Variants in RAB2A observed in about 807,000 individuals in gnomAD.
RAB2A encodes RAB2A, member RAS oncogene family, also known as ras-related protein Rab-2A.
RAB2A carries 7 observed loss-of-function variants against 32.5 expected under a neutral mutation model. The observed-to-expected ratio is 0.22, with a 90% CI of 0.12 to 0.40. RAB2A has a LOEUF of 0.40. Ranked by LOEUF, RAB2A falls within the 10% of genes least tolerant of loss-of-function variation. RAB2A has a pLI of 1.00. For synonymous variants in RAB2A, 79 were observed against 85.2 expected (o/e 0.93, Z 0.40); for missense variants, 108 against 260.7 (o/e 0.41, Z 4.03).
chr8:60,613,467 A>C (rs1804395927), intron 6 of RAB2A, among the ~76,000 whole-genome samples: 1 of 152,156 alleles, frequency 6.6e-6, no homozygotes, highest in Non-Finnish European at 1.5e-5. Context: ...AGGAATTTTC[A>C]TTTGTTTTGT....
chr8:60,595,231 C>A (rs547649113), intron 6 of RAB2A, among the ~76,000 whole-genome samples: 4 of 152,198 alleles, frequency 2.6e-5, no homozygotes, highest in Non-Finnish European at 5.9e-5. Context: ...TCAAGTCTTG[C>A]AAATTATGTT....
chr8:60,608,851 C>T (rs558808855), intron 6 of RAB2A, among the ~76,000 whole-genome samples: 1 of 151,924 alleles, frequency 6.6e-6, no homozygotes, highest in South Asian at 2.1e-4. Flanking sequence ...CTATAGTGTT[C>T]TTTCTCTTAC....
chr8:60,608,545 TCTCTC>T (rs199938322), intron 6 of RAB2A, among the ~76,000 whole-genome samples: 1,453 of 133,664 alleles, frequency 0.011, 40 homozygotes, highest in African/African-American at 0.046. Flanking sequence ...CCTCCTTCTC[TCTCTC>T]CTCTCTCTCC....
intron 1 of RAB2A, among the ~76,000 whole-genome samples, chr8:60,540,279 TGTTCCAGAGAAGAG>T (rs536732237): frequency 3.4e-4 from 52 of 151,798 alleles, no homozygotes; most frequent in African/African-American, 1.3e-3. Flanking sequence ...GTAATTAAAA[TGTTCCAGAGAAGAG>T]GTTCCTAGAG....
chr8:60,584,167 T>A, intron 3 of RAB2A, 41 bp from the exon 4 acceptor site: 1 of 1,424,362 alleles, frequency 7.0e-7, no homozygotes. Context: ...GTAGAGGACA[T>A]TGTATTAAAG....
intron 3 of RAB2A, among the ~76,000 whole-genome samples, chr8:60,577,692 C>T (rs1410114399): frequency 1.3e-5 from 2 of 151,506 alleles, no homozygotes; most frequent in African/African-American, 2.4e-5. Context: ...GGCGTGATCT[C>T]GGCTCACTGC....
intron 1 of RAB2A, among the ~76,000 whole-genome samples, chr8:60,551,548 C>T (rs1425595258): frequency 6.6e-6 from 1 of 152,202 alleles, no homozygotes; most frequent in Non-Finnish European, 1.5e-5. Flanking sequence ...CTACTTCTTA[C>T]AGGTTAGGAA....
rs530716725 is a variant in RAB2A, at chr8:60,548,543, G to A, written c.47-10309G>A. ...ACCCCCCCACCTCCCTCCCGGACGG[G>A]GCGGCTGGCCGGGCAGAGGGGATCC... is the stretch of plus-strand genomic sequence containing the variant. On this transcript the variant is annotated intron_variant, in intron 1 of 7. Coordinates refer to ENST00000262646, the MANE Select transcript of RAB2A (RefSeq NM_002865.3). Among the ~76,000 whole-genome samples, 416 of 119,052 alleles carry A rather than the reference G, an allele frequency of 3.5e-3. 2 individuals are homozygous for A. Among genetic ancestry groups the A allele is most frequent in the African/African-American group, 0.013 (342 of 26,374 alleles). 78.1% of individuals were successfully genotyped at this position (119,052 alleles called of 152,430 possible).
intron 6 of RAB2A, among the ~76,000 whole-genome samples, chr8:60,606,021 C>T (rs111716362): frequency 7.2e-5 from 11 of 152,002 alleles, no homozygotes; most frequent in Admixed American, 2.0e-4. Context: ...TGGTGGCTTG[C>T]GCCTGTAGTC....
chr8:60,527,123 A>T (rs1468617484), intron 1 of RAB2A, among the ~76,000 whole-genome samples: 2 of 152,110 alleles, frequency 1.3e-5, no homozygotes, highest in African/African-American at 4.8e-5. Flanking sequence ...GGAAGCAAGC[A>T]CATCTAGCCA....
rs1184736002 is a variant in RAB2A at position 60,623,221 on chromosome 8, A to T, written c.*2452A>T. The stretch of plus-strand genomic sequence containing the variant: ...TGGCATATAATTAGATATACAACTG[A>T]AACAGGATATACAACTGCATACAAT... On this transcript the variant is annotated 3_prime_UTR_variant, in exon 8 of 8. Transcript: ENST00000262646. The T allele has an allele frequency of 6.6e-6, 1 of 152,274 alleles. No homozygotes were observed. Among genetic ancestry groups the T allele is most frequent in the East Asian group, 1.9e-4 (1 of 5,206 alleles). 9.4% of individuals were successfully genotyped at this position (152,274 alleles called of 1,614,324 possible). A position where few individuals can be genotyped will look rare whatever the true frequency, so the allele number is the denominator to read the frequency against.
intron 3 of RAB2A, among the ~76,000 whole-genome samples, chr8:60,578,922 C>G (rs929575006): frequency 1.3e-5 from 2 of 152,166 alleles, no homozygotes; most frequent in African/African-American, 4.8e-5. Flanking sequence ...ACAAATGTTC[C>G]GTGACTTTAA....
intron 6 of RAB2A, among the ~76,000 whole-genome samples, chr8:60,599,689 T>C (rs1804097775): frequency 6.6e-6 from 1 of 152,156 alleles, no homozygotes; most frequent in African/African-American, 2.4e-5. Context: ...AGATAGCCTT[T>C]TCAACAAATG....
chr8:60,597,104 A>G (rs1804042151), intron 6 of RAB2A, among the ~76,000 whole-genome samples: 1 of 152,166 alleles, frequency 6.6e-6, no homozygotes, highest in Admixed American at 6.5e-5. Context: ...AGTATATACC[A>G]AAAGTATTAT....
chr8:60,546,768 T>C (rs1339865620), intron 1 of RAB2A, among the ~76,000 whole-genome samples: 1 of 152,166 alleles, frequency 6.6e-6, no homozygotes, highest in African/African-American at 2.4e-5. Context: ...GCCAAGTAGT[T>C]TTTCCAAAAT....
intron 5 of RAB2A, among the ~76,000 whole-genome samples, chr8:60,590,635 GTAA>G (rs1320459692): frequency 4.1e-5 from 6 of 147,540 alleles, no homozygotes; most frequent in South Asian, 2.1e-4. Context: ...AACATTGTTT[GTAA>G]TAATGAAAAA....
chr8:60,542,287 A>C (rs1314529792), intron 1 of RAB2A, among the ~76,000 whole-genome samples: 1 of 152,188 alleles, frequency 6.6e-6, no homozygotes, highest in Non-Finnish European at 1.5e-5. Flanking sequence ...AGACCAAGTC[A>C]GGCAGATCAC....
chr8:60,560,407 G>A lies in RAB2A; in HGVS notation c.118+1484G>A, dbSNP rs181213244. 5.3e-5 allele frequency among the ~76,000 whole-genome samples: 8 copies of A among 152,226 alleles called. No individual in the cohort carries two copies. The South Asian group carries it at 8.3e-4, about 16-fold the overall frequency. On this transcript the variant is annotated intron_variant, in intron 2 of 7. Transcript: ENST00000262646. ...CTGGCCTGTTTAATGAGCTCTCTTCGCTGCCCTCTCTATAGGATTTGCTCT... is the reference window on the plus strand; with the variant it reads ...CTGGCCTGTTTAATGAGCTCTCTTCACTGCCCTCTCTATAGGATTTGCTCT...
At chr8:60,595,123 TAGA>T (rs1487349468) in intron 6 of RAB2A, among the ~76,000 whole-genome samples, 1 of 152,106 alleles carries the variant, frequency 6.6e-6, no homozygotes, top group African/African-American at 2.4e-5. Context: ...AGTTTTCTAA[TAGA>T]AGTGAAATGA....
Sources: gnomAD v4.1 joint callset for allele counts (sites outside exome capture counted in the v4.1 genomes callset) on GRCh38, gnomAD v4.1.1 for gene constraint, MANE v1.5 for transcripts, NCBI Gene and HGNC (gene_info 2026-07-23, HGNC 2026-07-21) for gene names.